The following SCYL3 variants were observed in gnomAD, a reference collection of about 807,000 sequenced individuals.
SCYL3 encodes SCY1 like pseudokinase 3.
Under a neutral mutation model 73.8 loss-of-function variants are expected in SCYL3, and 35 were observed. The observed-to-expected ratio is 0.47, with a 90% CI of 0.36 to 0.63. The LOEUF (loss-of-function observed/expected upper bound fraction) is 0.63. Ranked by LOEUF, SCYL3 falls within the 20% of genes least tolerant of loss-of-function variation. The pLI, the probability that SCYL3 is intolerant of heterozygous loss-of-function variation, is 0.00. For missense variants in SCYL3, 712 were observed against 798.9 expected (o/e 0.89, Z 1.31); for synonymous variants, 277 against 295.2 (o/e 0.94, Z 0.63).
intron 7 of SCYL3, 43 bp from the exon 8 acceptor site, chr1:169,867,016 G>T: frequency 1.8e-6 from 2 of 1,126,894 alleles, no homozygotes; most frequent in Non-Finnish European, 2.6e-6. Context: ...ACAGATTAGA[G>T]AATGTTAAAT....
Position 169,849,636 on chromosome 1 carries a change from T to C in SCYL3, c.*4077A>G. 1 of 1,474,484 alleles carries C rather than the reference T, an allele frequency of 6.8e-7. No homozygotes were observed. The highest frequency in any genetic ancestry group is 9.5e-7 in the Non-Finnish European group (1 of 1,055,968). 91.3% of individuals were successfully genotyped at this position (1,474,484 alleles called of 1,614,324 possible). A position where few individuals can be genotyped will look rare whatever the true frequency, so the allele number is the denominator to read the frequency against. On this transcript the variant is annotated 3_prime_UTR_variant, in exon 13 of 13. Transcript: ENST00000367771. ...ATAAAACTGATTTATCACAGTGACT[T>C]TCAAACCATTTTAATATTTCAAATA... is the stretch of plus-strand genomic sequence containing the variant.
intron 11 of SCYL3, among the ~76,000 whole-genome samples, 195 bp from the exon 12 acceptor site, chr1:169,855,159 A>ATACT (rs1489784334): frequency 7.9e-5 from 12 of 152,334 alleles, no homozygotes; most frequent in South Asian, 4.1e-4. Context: ...TAATTACATA[A>ATACT]TACTTACATT....
intron 1 of SCYL3, among the ~76,000 whole-genome samples, chr1:169,889,533 A>G (rs1661916892): frequency 6.6e-6 from 1 of 152,172 alleles, no homozygotes; most frequent in Non-Finnish European, 1.5e-5. Context: ...TACTCTTCAA[A>G]GCTATCCTAA....
chr1:169,864,969 C>CAAA (rs3062290), intron 8 of SCYL3, among the ~76,000 whole-genome samples: 16 of 132,684 alleles, frequency 1.2e-4, no homozygotes, highest in Non-Finnish European at 2.1e-4. Context: ...GATTCTGTCT[C>CAAA]AAAAAAAAAA....
intron 11 of SCYL3, among the ~76,000 whole-genome samples, chr1:169,858,836 C>G (rs576126447): frequency 6.6e-6 from 1 of 151,990 alleles, no homozygotes; most frequent in African/African-American, 2.4e-5. Flanking sequence ...AAACATATAT[C>G]TGTGTGTCTT....
At chr1:169,887,169 T>G (rs1483522197) in intron 2 of SCYL3, among the ~76,000 whole-genome samples, 3 of 152,206 alleles carry the variant, frequency 2.0e-5, no homozygotes, top group Non-Finnish European at 4.4e-5. Context: ...ATATGAGGTT[T>G]TCAAAGCCAC....
At chr1:169,879,245 T>C (rs1661074495) in intron 2 of SCYL3, among the ~76,000 whole-genome samples, 1 of 152,228 alleles carries the variant, frequency 6.6e-6, no homozygotes, top group South Asian at 2.1e-4. Flanking sequence ...CTCACAGCTA[T>C]GCATGGTGAC....
chr1:169,887,707 T>C (rs1322423740), intron 2 of SCYL3, among the ~76,000 whole-genome samples: 2 of 152,196 alleles, frequency 1.3e-5, no homozygotes, highest in Non-Finnish European at 1.5e-5. Flanking sequence ...CCACCACGCA[T>C]CTCGAGAGAA....
intron 4 of SCYL3, 75 bp from the exon 5 acceptor site, chr1:169,873,827 T>C: frequency 3.8e-6 from 4 of 1,060,018 alleles, no homozygotes; most frequent in Non-Finnish European, 5.8e-6. Context: ...TCAGGTTACA[T>C]AAGCAATGAG....
chr1:169,888,568 T>C (rs1661836352), intron 2 of SCYL3, 108 bp downstream of exon 2: 11 of 824,434 alleles, frequency 1.3e-5, no homozygotes, highest in Non-Finnish European at 1.9e-5. Context: ...AATAAAATAC[T>C]GGTCCTTATG....
chr1:169,867,936 G>A (rs1357293148), intron 7 of SCYL3, among the ~76,000 whole-genome samples: 2 of 152,014 alleles, frequency 1.3e-5, no homozygotes, highest in African/African-American at 4.8e-5. Flanking sequence ...TTTCTATCAA[G>A]GGAAATAAAA....
At chr1:169,853,834 C>CAA in intron 12 of SCYL3, 62 bp from the exon 13 acceptor site, 1 of 1,577,102 alleles carries the variant, frequency 6.3e-7, no homozygotes, top group East Asian at 2.2e-5. Flanking sequence ...AAATCATACG[C>CAA]AAATTTGAAA....
At chr1:169,854,085 G>T in intron 12 of SCYL3, 185 bp downstream of exon 12, 1 of 588,782 alleles carries the variant, frequency 1.7e-6, no homozygotes, top group Non-Finnish European at 2.9e-6. Flanking sequence ...AACAAACTAA[G>T]CATTGCTACA....
rs775892541 is a variant in SCYL3, at chr1:169,852,170, G to GGAA, written c.*1540_*1542dup. On this transcript the variant is annotated 3_prime_UTR_variant, in exon 13 of 13. Coordinates refer to ENST00000367771, the MANE Select transcript of SCYL3 (RefSeq NM_020423.7). ...TGAATTATTGGTAGTAACCTTTAAG[G>GGAA]GAAGTTACATATTGTACCAGTGATG... 7.9e-5 allele frequency: 45 copies of GGAA among 571,530 alleles called. No homozygotes were observed. The highest frequency in any genetic ancestry group is 1.3e-4 in the Non-Finnish European group (42 of 326,056). The allele number at this position is 571,530 out of a possible 1,614,324, so 35.4% of individuals were successfully genotyped here.
At chr1:169,872,263 C>T (rs751403540) in intron 5 of SCYL3, among the ~76,000 whole-genome samples, 19 of 152,222 alleles carry the variant, frequency 1.2e-4, no homozygotes, top group Non-Finnish European at 2.2e-4. Context: ...AAGGGGCCAA[C>T]GTAGAGCTCA....
chr1:169,854,042 TTTTTCA>T, intron 12 of SCYL3: 1 of 564,678 alleles, frequency 1.8e-6, no homozygotes, highest in Non-Finnish European at 3.0e-6. Context: ...CTTTTTTTTC[TTTTTCA>T]AATAAAAAGG....
chr1:169,873,049 A>G (rs995857241), intron 5 of SCYL3, among the ~76,000 whole-genome samples: 2 of 152,170 alleles, frequency 1.3e-5, no homozygotes, highest in Non-Finnish European at 2.9e-5. Context: ...ATGTGAGGAC[A>G]TGAGACTGGG....
At chr1:169,855,921 T>G in intron 11 of SCYL3, 1 of 1,613,842 alleles carries the variant, frequency 6.2e-7, no homozygotes, top group Non-Finnish European at 8.5e-7. Context: ...TGGCGAGATC[T>G]GACTGTGATG....
intron 2 of SCYL3, among the ~76,000 whole-genome samples, chr1:169,884,222 C>T (rs1571452692): frequency 6.6e-6 from 1 of 152,070 alleles, no homozygotes; most frequent in Non-Finnish European, 1.5e-5. Context: ...TCCAGATAAA[C>T]CAAAAATTGT....
Sources: gnomAD v4.1 joint callset for allele counts (sites outside exome capture counted in the v4.1 genomes callset) on GRCh38, gnomAD v4.1.1 for gene constraint, MANE v1.5 for transcripts, NCBI Gene and HGNC (gene_info 2026-07-23, HGNC 2026-07-21) for gene names.